Variants in BCAS3 observed in about 807,000 individuals in gnomAD.
The protein encoded by BCAS3 is BCAS3 microtubule associated cell migration factor, also known as BCAS4/BCAS3 fusion.
Under a neutral mutation model 116.1 loss-of-function variants are expected in BCAS3, and 53 were observed. The observed-to-expected ratio is 0.46, with a 90% CI of 0.37 to 0.57. The LOEUF is 0.57. Among genes scored for constraint, BCAS3 ranks in the 20% least tolerant of loss-of-function variants. The pLI is 0.00. For synonymous variants in BCAS3, 391 were observed against 408.2 expected (o/e 0.96, Z 0.51); for missense variants, 917 against 1,165.4 (o/e 0.79, Z 3.10).
chr17:60,896,888 T>A (rs1383660345), intron 10 of BCAS3, among the ~76,000 whole-genome samples: 1 of 152,156 alleles, frequency 6.6e-6, no homozygotes, highest in African/African-American at 2.4e-5. Context: ...GGTTATTTCG[T>A]ATATTTTTGG....
intron 8 of BCAS3, among the ~76,000 whole-genome samples, chr17:60,871,586 G>A (rs1267906237): frequency 6.7e-6 from 1 of 148,244 alleles, no homozygotes; most frequent in Non-Finnish European, 1.5e-5. Flanking sequence ...GTTTGCCAGG[G>A]TTTTTTTTGG....
At chr17:60,913,718 A>G (rs1209008043) in intron 12 of BCAS3, among the ~76,000 whole-genome samples, 1 of 152,106 alleles carries the variant, frequency 6.6e-6, no homozygotes, top group Non-Finnish European at 1.5e-5. Context: ...AGCCTTTGAT[A>G]ATGATTTTTT....
chr17:60,879,831 A>G (rs1254754231), intron 9 of BCAS3, among the ~76,000 whole-genome samples: 1 of 152,246 alleles, frequency 6.6e-6, no homozygotes, highest in Non-Finnish European at 1.5e-5. Flanking sequence ...AAAATGCAAA[A>G]TTATCTTTAA....
At chr17:61,018,306 T>TG (rs947418705) in intron 16 of BCAS3, among the ~76,000 whole-genome samples, 1 of 140,172 alleles carries the variant, frequency 7.1e-6, no homozygotes, top group Non-Finnish European at 1.5e-5. Flanking sequence ...TTTTTTTTTT[T>TG]TTTTTTTTTT....
chr17:61,034,898 C>A lies in BCAS3; in HGVS notation c.1762+108C>A. ...ATCTTGTACCCAGTAGTCTGGAAAC[C>A]AATTTTTTTAATGTAATTAGCATGT... On this transcript the variant is annotated intron_variant, in intron 17 of 23. Transcript: ENST00000407086. The surrounding 1 kb of genome is among the most constrained non-coding windows in gnomAD (Gnocchi z 5.0). 1 of 1,074,832 alleles carries A rather than the reference C, an allele frequency of 9.3e-7. No homozygotes were observed. The highest frequency in any genetic ancestry group is 1.3e-6 in the Non-Finnish European group (1 of 755,394). 66.6% of individuals were successfully genotyped at this position (1,074,832 alleles called of 1,614,324 possible). A position where few individuals can be genotyped will look rare whatever the true frequency, so the allele number is the denominator to read the frequency against.
Position 61,309,694 on chromosome 17 carries a change from T to C in BCAS3, c.2426-58633T>C, listed in dbSNP as rs2054145189. On this transcript the variant is annotated intron_variant, in intron 22 of 23. Coordinates refer to ENST00000407086, the MANE Select transcript of BCAS3 (RefSeq NM_017679.5). The surrounding 1 kb of genome is among the most constrained non-coding windows in gnomAD (Gnocchi z 4.6). The stretch of plus-strand genomic sequence containing the variant: ...AGGCACTGTGAGCAAAGCCTGGAAC[T>C]GGAGAGATGACCCAGGGTCTTTGGG... 1.3e-5 allele frequency among the ~76,000 whole-genome samples: 2 copies of C among 152,102 alleles called. No individual in the cohort carries two copies.
intron 14 of BCAS3, among the ~76,000 whole-genome samples, chr17:60,949,539 G>A (rs1447745646): frequency 1.3e-5 from 2 of 152,096 alleles, no homozygotes; most frequent in South Asian, 2.1e-4. Flanking sequence ...GCCTCCCAAC[G>A]TGCTGGAATT....
At chr17:60,683,700 C>T (rs528545975) in intron 2 of BCAS3, among the ~76,000 whole-genome samples, 8 of 151,070 alleles carry the variant, frequency 5.3e-5, no homozygotes, top group Non-Finnish European at 3.0e-5. Flanking sequence ...GGCATGGTGG[C>T]GCATGTCTGT....
chr17:60,825,680 G>A (rs1391138270), intron 7 of BCAS3, among the ~76,000 whole-genome samples: 5 of 151,392 alleles, frequency 3.3e-5, no homozygotes, highest in African/African-American at 1.2e-4. Context: ...TGCTTCCAAG[G>A]TTGCACCTTG....
In BCAS3 at chr17:61,007,708, T is replaced by TA. The variant is rs560982056; in HGVS notation, c.1487-8031dup. ...TAATAATCTCAATCCCCATCCTGTTTAAAAAAAAAAAAGAAAGATTGGATT... is the reference window on the plus strand; with the variant it reads ...TAATAATCTCAATCCCCATCCTGTTTAAAAAAAAAAAAAGAAAGATTGGATT... On this transcript the variant is annotated intron_variant, in intron 15 of 23. Coordinates refer to ENST00000407086, the MANE Select transcript of BCAS3 (RefSeq NM_017679.5). This position sits in a 1 kb window ranked among gnomAD's most constrained non-coding sequence, Gnocchi z 4.3. 0.054 allele frequency among the ~76,000 whole-genome samples: 7,821 copies of TA among 144,508 alleles called. 698 individuals carry two copies. The highest frequency in any genetic ancestry group is 0.18 in the African/African-American group (7,312 of 39,770). 94.8% of individuals were successfully genotyped at this position (144,508 alleles called of 152,430 possible). A position where few individuals can be genotyped will look rare whatever the true frequency, so the allele number is the denominator to read the frequency against.
At chr17:61,266,361 G>A (rs959743328) in intron 22 of BCAS3, among the ~76,000 whole-genome samples, 1 of 152,156 alleles carries the variant, frequency 6.6e-6, no homozygotes, top group Non-Finnish European at 1.5e-5. Flanking sequence ...CAGAGAAAAC[G>A]GCCAGTATGT....
chr17:61,044,446 C>CAAAAAAAAAAAA (rs1223902392), intron 19 of BCAS3, among the ~76,000 whole-genome samples: 4 of 82,824 alleles, frequency 4.8e-5, no homozygotes, highest in African/African-American at 2.6e-4. Context: ...GACTCTGTCT[C>CAAAAAAAAAAAA]AAAAAAAAAA....
chr17:61,230,528 T>G (rs2082617013), intron 22 of BCAS3, among the ~76,000 whole-genome samples: 1 of 152,150 alleles, frequency 6.6e-6, no homozygotes, highest in South Asian at 2.1e-4. Flanking sequence ...AATGTTTCAC[T>G]CCCACTTAAA....
In BCAS3 at chr17:61,147,473, T is replaced by G. The variant is rs144309690; in HGVS notation, c.2425+62909T>G. Among the ~76,000 whole-genome samples, 212 of 152,114 alleles carry G rather than the reference T, an allele frequency of 1.4e-3. 3 individuals carry two copies. The East Asian group carries it at 0.032, about 23-fold the overall frequency. ...CCTGAGCTTAATCAGTCTATCCACC[T>G]TGGCCTCCAAAAGTGCTGGGATTAC... On this transcript the variant is annotated intron_variant, in intron 22 of 23. Coordinates refer to ENST00000407086, the MANE Select transcript of BCAS3 (RefSeq NM_017679.5).
intron 7 of BCAS3, among the ~76,000 whole-genome samples, chr17:60,839,372 T>G (rs1484691490): frequency 2.0e-5 from 3 of 152,176 alleles, no homozygotes; most frequent in Non-Finnish European, 2.9e-5. Flanking sequence ...TGTTAGATCT[T>G]TCTTGAAGAA....
chr17:60,788,145 C>A (rs181991978), intron 6 of BCAS3, among the ~76,000 whole-genome samples: 1 of 152,084 alleles, frequency 6.6e-6, no homozygotes, highest in Non-Finnish European at 1.5e-5. Flanking sequence ...TAAATGCAGA[C>A]GCCTTTATCA....
chr17:61,211,178 A>G lies in BCAS3; in HGVS notation c.2425+126614A>G, dbSNP rs955455208. ...ATGGAATGACGTTAAAATTCTCCCA[A>G]AAAAGGTTGGAACCACCTCTGCTTC... On this transcript the variant is annotated intron_variant, in intron 22 of 23. Transcript: ENST00000407086. This position sits in a 1 kb window ranked among gnomAD's most constrained non-coding sequence, Gnocchi z 4.4. Among the ~76,000 whole-genome samples the G allele has an allele frequency of 3.9e-5, 6 of 152,164 alleles. No homozygotes were observed. The highest frequency in any genetic ancestry group is 1.9e-4 in the East Asian group (1 of 5,200).
rs373058983 is a variant in BCAS3, at chr17:60,918,041, C to A, written c.994-6366C>A. Among the ~76,000 whole-genome samples, 9 of 152,200 alleles carry A rather than the reference C, an allele frequency of 5.9e-5. No homozygotes were observed. The East Asian group carries it at 9.6e-4, about 16-fold the overall frequency. ...CTATATTTAATTTTTTGAGGAATTA[C>A]CAAGCTATTTTTCACAGTGGCTGGA... On this transcript the variant is annotated intron_variant, in intron 12 of 23. Transcript: ENST00000407086.
At position 61,063,281 on chromosome 17, in the gene BCAS3, T is replaced by C. The variant is rs1211942031; in HGVS notation, c.2030-11639T>C. Among the ~76,000 whole-genome samples, 2 of 151,988 alleles carry C rather than the reference T, an allele frequency of 1.3e-5. No homozygotes were observed. The highest frequency in any genetic ancestry group is 2.9e-5 in the Non-Finnish European group (2 of 67,980). ...TTTGTTTTTTTGTTGTTTTGGTTTT[T>C]TTTTTTGAGGCAGAGTCTTGCTCTG... is the stretch of plus-strand genomic sequence containing the variant. On this transcript the variant is annotated intron_variant, in intron 19 of 23. Coordinates refer to ENST00000407086, the MANE Select transcript of BCAS3 (RefSeq NM_017679.5). This position sits in a 1 kb window ranked among gnomAD's most constrained non-coding sequence, Gnocchi z 5.3.
Sources: allele counts gnomAD v4.1 joint callset (sites outside exome capture counted in the v4.1 genomes callset), GRCh38; gene constraint gnomAD v4.1.1; non-coding constraint Gnocchi (gnomAD v3.1); transcripts MANE v1.5; gene names NCBI Gene and HGNC (gene_info 2026-07-23, HGNC 2026-07-21).